EYA1: variants seen among roughly 807,000 people sequenced by gnomAD.
The protein encoded by EYA1 is EYA transcriptional coactivator and phosphatase 1.
EYA1 carries 16 observed loss-of-function variants against 82.0 expected under a neutral mutation model. The observed-to-expected ratio is 0.20, with a 90% CI of 0.13 to 0.30. The LOEUF (loss-of-function observed/expected upper bound fraction) is 0.30. EYA1 is among the 10% of genes least tolerant of loss of function. The pLI is 1.00. For missense variants in EYA1, 633 were observed against 730.7 expected (o/e 0.87, Z 1.54); for synonymous variants, 261 against 264.4 (o/e 0.99, Z 0.12).
rs763080811 is a variant in EYA1 at position 71,199,418 on chromosome 8, G to T, written c.1701C>A (p.His567Gln). The change falls in exon 18 of 18, where the codon CAC (histidine) becomes CAA (glutamine). Residue 567 changes from histidine (H) to glutamine (Q), a missense_variant and splice_region_variant. Transcript: ENST00000340726. Reference sequence around the variant, plus strand: ...TGGAGATCCTCCAGAAGGGCATCGCGTGCTGCAGCAGAGGCACACATACAT... The same window carrying T: ...TGGAGATCCTCCAGAAGGGCATCGCTTGCTGCAGCAGAGGCACACATACAT... ...GVEEEQGAKK[H>Q]AMPFWRISSH... is the part of the protein sequence containing the mutation. 9 of 1,611,580 alleles carry T rather than the reference G, an allele frequency of 5.6e-6. No individual in the cohort carries two copies. Among genetic ancestry groups the T allele is most frequent in the South Asian group, 1.1e-5 (1 of 90,834 alleles).
rs948126238 is a variant in EYA1, at chr8:71,198,228, A to AATT, written c.*1109_*1111dup. On this transcript the variant is annotated 3_prime_UTR_variant, in exon 18 of 18. Transcript: ENST00000340726. ...TCTTTGTGGGAAGAAGCATTTGAAT[A>AATT]ATTATTTTTTCCAAGTAGTTACATA... 2 of 152,614 alleles carry AATT rather than the reference A, an allele frequency of 1.3e-5. No homozygotes were observed. The highest frequency in any genetic ancestry group is 4.1e-4 in the South Asian group (2 of 4,826). The allele number at this position is 152,614 out of a possible 1,614,324, so 9.5% of individuals were successfully genotyped here.
At chr8:71,223,129 C>T (rs1810137869) in intron 12 of EYA1, among the ~76,000 whole-genome samples, 1 of 152,194 alleles carries the variant, frequency 6.6e-6, no homozygotes, top group African/African-American at 2.4e-5. Flanking sequence ...GAGAGTACAA[C>T]TGTAGGTGGT....
intron 2 of EYA1, among the ~76,000 whole-genome samples, chr8:71,412,271 C>T (rs1183808244): frequency 1.4e-5 from 2 of 144,288 alleles, no homozygotes; most frequent in Non-Finnish European, 3.0e-5. Context: ...GGAGATATAC[C>T]TAATGCTAGA....
At chr8:71,526,774 G>GT (rs1195207820) in intron 2 of EYA1, among the ~76,000 whole-genome samples, 3 of 152,094 alleles carry the variant, frequency 2.0e-5, no homozygotes, top group Non-Finnish European at 2.9e-5. Flanking sequence ...CACTTCTGCT[G>GT]TTTTTTTCTC....
At chr8:71,317,231 C>T (rs868814638) in intron 7 of EYA1, among the ~76,000 whole-genome samples, 9 of 152,216 alleles carry the variant, frequency 5.9e-5, no homozygotes, top group African/African-American at 1.4e-4. Flanking sequence ...CAACCTCCTA[C>T]GTGGCTGACT....
intron 2 of EYA1, among the ~76,000 whole-genome samples, chr8:71,473,363 A>G (rs1351080736): frequency 2.0e-5 from 3 of 151,852 alleles, no homozygotes; most frequent in Non-Finnish European, 4.4e-5. Context: ...CAAAAAAAAA[A>G]AAAAACCCAT....
intron 17 of EYA1, 43 bp downstream of exon 17, chr8:71,211,113 G>GA (rs1808450966): frequency 7.6e-7 from 1 of 1,317,042 alleles, no homozygotes; most frequent in East Asian, 2.3e-5. Context: ...ACTGAGGACT[G>GA]AAAAAACAAA....
At chr8:71,341,644 GA>G (rs2129053696) in intron 3 of EYA1, among the ~76,000 whole-genome samples, 1 of 152,160 alleles carries the variant, frequency 6.6e-6, no homozygotes, top group South Asian at 2.1e-4. Flanking sequence ...TTCCCATTTA[GA>G]AAACAAGACA....
At position 71,230,750 on chromosome 8, in the gene EYA1, C is replaced by G. The variant is rs548840312; in HGVS notation, c.1141-13727G>C. 3.3e-5 allele frequency among the ~76,000 whole-genome samples: 5 copies of G among 152,344 alleles called. No homozygotes were observed. In the East Asian group the frequency reaches 9.6e-4, roughly 29 times the overall value. On this transcript the variant is annotated intron_variant, in intron 12 of 17. Coordinates refer to ENST00000340726, the MANE Select transcript of EYA1 (RefSeq NM_000503.6). ...GTTAATTAACAGCCTGTTGGAATAACTGCTGCTCCAAATGGCCACAGTTGC... is the reference window on the plus strand; with the variant it reads ...GTTAATTAACAGCCTGTTGGAATAAGTGCTGCTCCAAATGGCCACAGTTGC...
At chr8:71,486,054 G>A (rs920606751) in intron 2 of EYA1, among the ~76,000 whole-genome samples, 7 of 152,070 alleles carry the variant, frequency 4.6e-5, no homozygotes, top group Non-Finnish European at 1.5e-5. Context: ...AGTGAGTATC[G>A]GGTTGCATGG....
At chr8:71,328,144 T>A (rs1173213789) in intron 4 of EYA1, among the ~76,000 whole-genome samples, 1 of 152,160 alleles carries the variant, frequency 6.6e-6, no homozygotes, top group Admixed American at 6.5e-5. Context: ...TGTGAGCCAC[T>A]GCACCCAGCC....
At chr8:71,285,849 T>G (rs1344164740) in intron 9 of EYA1, among the ~76,000 whole-genome samples, 1 of 152,260 alleles carries the variant, frequency 6.6e-6, no homozygotes, top group Admixed American at 6.5e-5. Flanking sequence ...TTATTCTTGT[T>G]GAATACAACC....
rs55997623 is a variant in EYA1 at position 71,361,932 on chromosome 8, C to A, written c.-340G>T. On this transcript the variant is annotated 5_prime_UTR_variant, in exon 1 of 18. Transcript: ENST00000340726. ...GCCACAGTGGACGGCAACAGGAAGG[C>A]TTAAAGTCGGAAGTGGCACTGGAGA... The A allele has an allele frequency of 0.011, 11,034 of 985,434 alleles. 59 individuals carry two copies. The highest frequency in any genetic ancestry group is 0.013 in the Admixed American group (214 of 16,294). 61.0% of individuals were successfully genotyped at this position (985,434 alleles called of 1,614,324 possible).
intron 7 of EYA1, among the ~76,000 whole-genome samples, chr8:71,312,506 G>A (rs746790986): frequency 5.3e-5 from 8 of 152,180 alleles, no homozygotes; most frequent in African/African-American, 1.9e-4. Context: ...GAGTGCAGTG[G>A]CACGATCTTG....
At position 71,304,604 on chromosome 8, in the gene EYA1, T is replaced by A. The variant is rs1820532401; in HGVS notation, c.557-4884A>T. Among the ~76,000 whole-genome samples the A allele has an allele frequency of 1.4e-5, 2 of 142,504 alleles. 1 individual carries two copies. The highest frequency in any genetic ancestry group is 4.6e-4 in the South Asian group (2 of 4,374). The allele number at this position is 142,504 out of a possible 152,430, so 93.5% of individuals were successfully genotyped here. On this transcript the variant is annotated intron_variant, in intron 7 of 17. Coordinates refer to ENST00000340726, the MANE Select transcript of EYA1 (RefSeq NM_000503.6). ...AATCCACATGTTTACCAAATACCTATAAGTGTCTGATTTTTAGTACCAATT... is the reference window on the plus strand; with the variant it reads ...AATCCACATGTTTACCAAATACCTAAAAGTGTCTGATTTTTAGTACCAATT...
At chr8:71,292,302 T>C (rs190500382) in intron 9 of EYA1, among the ~76,000 whole-genome samples, 1 of 152,210 alleles carries the variant, frequency 6.6e-6, no homozygotes, top group East Asian at 1.9e-4. Context: ...CCTTCAAATT[T>C]ATTTTTCCCT....
At chr8:71,322,571 G>C in intron 4 of EYA1, 1 of 383,900 alleles carries the variant, frequency 2.6e-6, no homozygotes, top group South Asian at 2.3e-5. Flanking sequence ...AATACTTAAA[G>C]AGTACAAGGA....
intron 1 of EYA1, among the ~76,000 whole-genome samples, chr8:71,543,059 A>T (rs1345024119): frequency 6.6e-6 from 1 of 152,066 alleles, no homozygotes; most frequent in Admixed American, 6.6e-5. Context: ...TCTAGATCCC[A>T]CTTGTTGCTT....
intron 1 of EYA1, among the ~76,000 whole-genome samples, chr8:71,540,134 A>AC (rs1322735257): frequency 6.6e-6 from 1 of 151,768 alleles, no homozygotes; most frequent in Non-Finnish European, 1.5e-5. Context: ...TAAAATAAAA[A>AC]AAAATCTATT....
Sources: gnomAD v4.1 joint callset for allele counts (sites outside exome capture counted in the v4.1 genomes callset) on GRCh38, gnomAD v4.1.1 for gene constraint, MANE v1.5 for transcripts, NCBI Gene and HGNC (gene_info 2026-07-23, HGNC 2026-07-21) for gene names.